The following COL19A1 variants were observed in gnomAD, a reference collection of about 807,000 sequenced individuals.
The protein encoded by COL19A1 is collagen type XIX alpha 1 chain.
COL19A1 carries 159 observed loss-of-function variants against 190.2 expected under a neutral mutation model. The observed-to-expected ratio is 0.84, with a 90% CI of 0.73 to 0.95. COL19A1 has a LOEUF of 0.95. Ranked by LOEUF, COL19A1 falls within the 40% of genes least tolerant of loss-of-function variation. The probability of loss-of-function intolerance (pLI) is 0.00; values close to 1 mark genes in which losing one functional copy is unlikely to be tolerated. For synonymous variants in COL19A1, 509 were observed against 458.9 expected, an observed-to-expected ratio of 1.11 and a Z score of -1.39; for missense variants, 1,418 against 1,431.9, an observed-to-expected ratio of 0.99 and a Z score of 0.16.
rs1294916369 is a variant in COL19A1, at chr6:70,043,152, C to G, written c.1170+7213C>G. On this transcript the variant is annotated intron_variant, in intron 14 of 50. Transcript: ENST00000620364. The stretch of plus-strand genomic sequence containing the variant: ...TTGCCCAGGTTCATCAGAGGAAGCA[C>G]TATCTATGCAGCTATAGCCTTACAA... Among the ~76,000 whole-genome samples the G allele has an allele frequency of 2.6e-5, 4 of 151,448 alleles. 1 individual carries two copies. Among genetic ancestry groups the G allele is most frequent in the Admixed American group, 2.6e-4 (4 of 15,210 alleles).
intron 11 of COL19A1, among the ~76,000 whole-genome samples, chr6:69,968,649 T>C (rs1323627700): frequency 6.6e-6 from 1 of 152,162 alleles, no homozygotes; most frequent in East Asian, 1.9e-4. Context: ...TAAATGAGGA[T>C]TTTTACCCTG....
intron 11 of COL19A1, among the ~76,000 whole-genome samples, chr6:69,968,631 G>A (rs1775252920): frequency 6.6e-6 from 1 of 152,056 alleles, no homozygotes; most frequent in Non-Finnish European, 1.5e-5. Context: ...AACAGTTATG[G>A]CTTTAAATAA....
At position 69,929,543 on chromosome 6, in the gene COL19A1, A is replaced by G. The variant is rs756820427; in HGVS notation, c.509A>G (p.Gln170Arg). Residue 170 changes from glutamine (Q) to arginine (R), a missense_variant, in exon 6 of 51, where the codon CAG becomes CGG. Transcript: ENST00000620364. Reference protein sequence around the residue: ...NRELRPLFDRQWHKLGISIQS... With the variant: ...NRELRPLFDRRWHKLGISIQS... ...GAACTCCGTCCTTTGTTTGATCGTC[A>G]GTGGCACAAACTTGGCATTAGTATA... 3 of 1,614,064 alleles carry G rather than the reference A, an allele frequency of 1.9e-6. No individual in the cohort carries two copies. The highest frequency in any genetic ancestry group is 2.5e-6 in the Non-Finnish European group (3 of 1,179,974).
intron 15 of COL19A1, among the ~76,000 whole-genome samples, chr6:70,071,805 A>G (rs1209176818): frequency 1.3e-5 from 2 of 152,060 alleles, no homozygotes; most frequent in Admixed American, 6.6e-5. Context: ...AGGCAGAAAA[A>G]GGCCGTACAG....
chr6:70,111,661 T>A (rs1273507918), intron 16 of COL19A1, among the ~76,000 whole-genome samples: 2 of 152,216 alleles, frequency 1.3e-5, no homozygotes, highest in Non-Finnish European at 2.9e-5. Flanking sequence ...TGAAATCCTT[T>A]GTGGAATGGG....
At chr6:70,190,752 T>C (rs1003783698) in intron 48 of COL19A1, among the ~76,000 whole-genome samples, 4 of 152,208 alleles carry the variant, frequency 2.6e-5, no homozygotes, top group Non-Finnish European at 5.9e-5. Context: ...GTTTAATTTA[T>C]AAATGACTCT....
At chr6:70,030,919 C>G (rs140513516) in intron 12 of COL19A1, among the ~76,000 whole-genome samples, 164 of 152,296 alleles carry the variant, frequency 1.1e-3, no homozygotes, top group African/African-American at 3.6e-3. Flanking sequence ...GCTGTCATAG[C>G]CCCTTTTATG....
intron 48 of COL19A1, among the ~76,000 whole-genome samples, chr6:70,191,561 G>A (rs1322441471): frequency 6.6e-6 from 1 of 152,164 alleles, no homozygotes; most frequent in South Asian, 2.1e-4. Context: ...GATTCTTTCT[G>A]TCCACTTGTA....
intron 14 of COL19A1, among the ~76,000 whole-genome samples, chr6:70,056,054 A>T (rs1468748681): frequency 6.6e-6 from 1 of 152,008 alleles, no homozygotes; most frequent in Non-Finnish European, 1.5e-5. Flanking sequence ...CAGAATTCCC[A>T]TTCTGTGACT....
intron 15 of COL19A1, among the ~76,000 whole-genome samples, chr6:70,072,916 G>A (rs1163196086): frequency 1.3e-5 from 2 of 152,040 alleles, no homozygotes; most frequent in Non-Finnish European, 2.9e-5. Context: ...TTGGAATTTA[G>A]CATACAGGTT....
chr6:70,205,746 T>G (rs1407831596), intron 49 of COL19A1, among the ~76,000 whole-genome samples: 1 of 152,240 alleles, frequency 6.6e-6, no homozygotes. Context: ...GGATAATGAC[T>G]TCCAGAGACA....
intron 11 of COL19A1, among the ~76,000 whole-genome samples, chr6:69,976,099 C>G (rs1187104528): frequency 6.6e-6 from 1 of 152,072 alleles, no homozygotes; most frequent in Admixed American, 6.5e-5. Flanking sequence ...ACTTACTCAT[C>G]ATTCATGTAT....
chr6:70,081,259 C>T (rs775345644), intron 15 of COL19A1, among the ~76,000 whole-genome samples: 3 of 152,096 alleles, frequency 2.0e-5, no homozygotes, highest in Non-Finnish European at 2.9e-5. Context: ...CTTCTGCATG[C>T]TCTACCTCCA....
intron 22 of COL19A1, 52 bp from the exon 23 acceptor site, chr6:70,142,715 C>CTTTTTTTTTT: frequency 2.1e-6 from 3 of 1,425,554 alleles, no homozygotes; most frequent in African/African-American, 1.5e-5. Context: ...TACAATCTAT[C>CTTTTTTTTTT]TTTTTTTTTC....
chr6:70,201,329 CTG>C (rs1318137823), intron 49 of COL19A1, among the ~76,000 whole-genome samples: 1 of 152,210 alleles, frequency 6.6e-6, no homozygotes, highest in Non-Finnish European at 1.5e-5. Context: ...ATTTGGAAGG[CTG>C]TCAGTCAGAG....
chr6:70,120,479 G>A (rs1784822752), intron 16 of COL19A1, among the ~76,000 whole-genome samples: 1 of 152,112 alleles, frequency 6.6e-6, no homozygotes, highest in African/African-American at 2.4e-5. Flanking sequence ...GATACTTTGT[G>A]TAACAACCCC....
intron 11 of COL19A1, among the ~76,000 whole-genome samples, chr6:70,004,547 A>G (rs1363147998): frequency 6.6e-6 from 1 of 152,032 alleles, no homozygotes; most frequent in African/African-American, 2.4e-5. Context: ...AAAGTCCCAT[A>G]TTTCTTGGAG....
intron 17 of COL19A1, among the ~76,000 whole-genome samples, chr6:70,125,036 C>T (rs1785108508): frequency 6.6e-6 from 1 of 152,114 alleles, no homozygotes; most frequent in Non-Finnish European, 1.5e-5. Flanking sequence ...CTATGATGAG[C>T]ACGATGCATG....
At chr6:70,001,136 C>T (rs1023064097) in intron 11 of COL19A1, among the ~76,000 whole-genome samples, 10 of 152,092 alleles carry the variant, frequency 6.6e-5, no homozygotes, top group Admixed American at 2.6e-4. Context: ...ATTCTTTCCC[C>T]ATTACTTGTT....
Sources: allele counts gnomAD v4.1 joint callset (sites outside exome capture counted in the v4.1 genomes callset), GRCh38; gene constraint gnomAD v4.1.1; transcripts MANE v1.5; gene names NCBI Gene and HGNC (gene_info 2026-07-23, HGNC 2026-07-21).